The following SPIN1 variants were observed in gnomAD, a reference collection of about 807,000 sequenced individuals.
SPIN1 encodes the protein spindlin 1, also known as spindlin-1.
A neutral mutation model predicts 26.0 loss-of-function variants in SPIN1; 3 were observed. That is an observed-to-expected ratio of 0.12 (90% confidence interval 0.05 to 0.30). The LOEUF is 0.30. SPIN1 is among the 10% of genes least tolerant of loss of function. The pLI is 1.00. For missense variants in SPIN1, 126 were observed against 333.4 expected, an observed-to-expected ratio of 0.38 and a Z score of 4.84; for synonymous variants, 101 against 116.5, an observed-to-expected ratio of 0.87 and a Z score of 0.86.
chr9:88,398,323 A>G (rs1390297770), intron 1 of SPIN1, among the ~76,000 whole-genome samples: 1 of 151,998 alleles, frequency 6.6e-6, no homozygotes, highest in Non-Finnish European at 1.5e-5. Context: ...TTACAATGTT[A>G]TATTAGTTTA....
At chr9:88,470,545 A>G (rs572750350) in intron 5 of SPIN1, among the ~76,000 whole-genome samples, 4 of 151,472 alleles carry the variant, frequency 2.6e-5, no homozygotes, top group African/African-American at 9.7e-5. Flanking sequence ...TTTGATTTGC[A>G]TTTCCCTGAT....
chr9:88,453,824 G>A (rs879436680), intron 3 of SPIN1, among the ~76,000 whole-genome samples: 8 of 152,082 alleles, frequency 5.3e-5, no homozygotes, highest in South Asian at 4.1e-4. Context: ...CCGCGCCCGC[G>A]GTATCTTAAG....
At chr9:88,407,156 AAGAT>A (rs961922905) in intron 1 of SPIN1, among the ~76,000 whole-genome samples, 1 of 149,392 alleles carries the variant, frequency 6.7e-6, no homozygotes, top group Non-Finnish European at 1.5e-5. Flanking sequence ...AAAAAAAAAA[AAGAT>A]GGAGTCTCAC....
intron 1 of SPIN1, among the ~76,000 whole-genome samples, chr9:88,392,227 A>C (rs1826939088): frequency 1.3e-5 from 2 of 152,132 alleles, no homozygotes; most frequent in African/African-American, 4.8e-5. Flanking sequence ...TTAGTTGTGC[A>C]TCAGTATTCA....
intron 1 of SPIN1, among the ~76,000 whole-genome samples, chr9:88,425,684 A>G (rs1316760894): frequency 6.6e-6 from 1 of 152,052 alleles, no homozygotes; most frequent in Admixed American, 6.6e-5. Context: ...AAAAAAAAAA[A>G]AAAAAGATAC....
intron 1 of SPIN1, among the ~76,000 whole-genome samples, chr9:88,392,581 C>CTCTCCTCTCT (rs953771089): frequency 6.6e-6 from 1 of 151,804 alleles, no homozygotes; most frequent in Non-Finnish European, 1.5e-5. Context: ...GTCTCCTCTC[C>CTCTCCTCTCT]TCTCCTCTCT....
intron 2 of SPIN1, among the ~76,000 whole-genome samples, chr9:88,444,878 A>T (rs1367021786): frequency 1.3e-5 from 2 of 150,612 alleles, no homozygotes; most frequent in Non-Finnish European, 3.0e-5. Context: ...TTTTTAGTAG[A>T]GACGGGGTTT....
At chr9:88,391,187 C>G (rs1190883121) in intron 1 of SPIN1, among the ~76,000 whole-genome samples, 1 of 152,088 alleles carries the variant, frequency 6.6e-6, no homozygotes, top group Non-Finnish European at 1.5e-5. Context: ...TACATTCAAG[C>G]TACATAGATC....
chr9:88,434,602 T>C lies in SPIN1; in HGVS notation c.52+8011T>C, dbSNP rs149221507. On this transcript the variant is annotated intron_variant, in intron 2 of 5. Transcript: ENST00000375859. Reference sequence around the variant, plus strand: ...TAACTTTTCTTTTTCTGCTTAACAATGTGGGTTAAGCAGTATGTAGAGCTC... The same window carrying C: ...TAACTTTTCTTTTTCTGCTTAACAACGTGGGTTAAGCAGTATGTAGAGCTC... Among the ~76,000 whole-genome samples the C allele has an allele frequency of 7.2e-5, 11 of 152,196 alleles. No homozygotes were observed. In the East Asian group the frequency reaches 1.9e-3, roughly 27 times the overall value.
intron 3 of SPIN1, 139 bp downstream of exon 3, chr9:88,449,128 T>G: frequency 2.8e-6 from 2 of 715,240 alleles, no homozygotes; most frequent in Non-Finnish European, 4.9e-6. Flanking sequence ...CGATGAGGAA[T>G]AGTATGTAGT....
At chr9:88,435,495 AAG>A (rs1178771714) in intron 2 of SPIN1, among the ~76,000 whole-genome samples, 10 of 152,130 alleles carry the variant, frequency 6.6e-5, no homozygotes, top group African/African-American at 2.4e-4. Context: ...AAAATATGTA[AAG>A]AGTTTCTCTC....
intron 1 of SPIN1, among the ~76,000 whole-genome samples, chr9:88,392,168 C>T (rs1003334350): frequency 1.3e-5 from 2 of 152,154 alleles, no homozygotes; most frequent in African/African-American, 2.4e-5. Flanking sequence ...TACTTTTGAA[C>T]TTAGCTGTAG....
intron 3 of SPIN1, among the ~76,000 whole-genome samples, chr9:88,450,442 A>G (rs1828333166): frequency 6.6e-6 from 1 of 152,186 alleles, no homozygotes; most frequent in South Asian, 2.1e-4. Context: ...AAGTTCATTT[A>G]CTTAGGATTT....
intron 1 of SPIN1, among the ~76,000 whole-genome samples, chr9:88,404,492 T>C (rs139044230): frequency 3.2e-4 from 49 of 152,350 alleles, no homozygotes; most frequent in African/African-American, 8.2e-4. Context: ...TTGACTCTTA[T>C]AGTACTTAGC....
intron 1 of SPIN1, among the ~76,000 whole-genome samples, chr9:88,398,480 TTAAA>T (rs1171259936): frequency 2.6e-5 from 4 of 152,118 alleles, no homozygotes; most frequent in East Asian, 1.9e-4. Flanking sequence ...GTAGCGAGAA[TTAAA>T]TAATAAGAAA....
intron 4 of SPIN1, among the ~76,000 whole-genome samples, chr9:88,464,006 GAC>G (rs1406945018): frequency 1.3e-5 from 2 of 152,186 alleles, no homozygotes; most frequent in African/African-American, 4.8e-5. Flanking sequence ...ATTGCTGCAT[GAC>G]CTGTGGTTGT....
At chr9:88,396,560 C>T (rs1480434807) in intron 1 of SPIN1, among the ~76,000 whole-genome samples, 1 of 152,116 alleles carries the variant, frequency 6.6e-6, no homozygotes, top group Non-Finnish European at 1.5e-5. Context: ...TGAGATCACA[C>T]CCCTGCACTC....
chr9:88,460,237 C>G (rs956318881), intron 3 of SPIN1, among the ~76,000 whole-genome samples: 1 of 152,056 alleles, frequency 6.6e-6, no homozygotes, highest in African/African-American at 2.4e-5. Context: ...ATTCTTTTTA[C>G]TTTTGTCCCC....
At chr9:88,411,325 C>T (rs1827437915) in intron 1 of SPIN1, 7 of 1,446,084 alleles carry the variant, frequency 4.8e-6, no homozygotes, top group Non-Finnish European at 5.8e-6. Flanking sequence ...TTGGATCTCT[C>T]ATTACCACAC....
Sources: gnomAD v4.1 joint callset for allele counts (sites outside exome capture counted in the v4.1 genomes callset) on GRCh38, gnomAD v4.1.1 for gene constraint, MANE v1.5 for transcripts, NCBI Gene and HGNC (gene_info 2026-07-23, HGNC 2026-07-21) for gene names.